Variants in SMARCA1 observed in about 807,000 individuals in gnomAD.
SMARCA1 encodes the protein SNF2 related chromatin remodeling ATPase 1, also known as SWI/SNF-related matrix-associated actin-dependent regulator of chromatin subfamily A member 1.
SMARCA1 carries 17 observed loss-of-function variants against 93.6 expected under a neutral mutation model. The ratio of observed to expected loss-of-function variants is 0.18; its 90% CI spans 0.12 to 0.27. The LOEUF is 0.27. Ranked by LOEUF, SMARCA1 falls within the 10% of genes least tolerant of loss-of-function variation. SMARCA1 has a pLI of 1.00. For missense variants in SMARCA1, 630 were observed against 819.0 expected (o/e 0.77, Z 2.82); for synonymous variants, 271 against 271.4 (o/e 1.00, Z 0.01).
chrX:129,521,552 C>T (rs957417578), intron 1 of SMARCA1, among the ~76,000 whole-genome samples: 2 of 111,371 alleles, frequency 1.8e-5, no homozygotes, highest in African/African-American at 6.5e-5. Context: ...TATTATATAG[C>T]TTTTTTATTG....
chrX:129,454,934 T>A (rs1475435711), intron 23 of SMARCA1, among the ~76,000 whole-genome samples: 3 of 111,591 alleles, frequency 2.7e-5, no homozygotes, highest in Non-Finnish European at 5.6e-5. Flanking sequence ...AGGGTGGCGA[T>A]CATTAAAAAG....
chrX:129,476,640 T>C (rs1933398079), intron 19 of SMARCA1, among the ~76,000 whole-genome samples: 1 of 111,710 alleles, frequency 9.0e-6, no homozygotes, highest in South Asian at 3.8e-4. Context: ...GAGTCCCTTT[T>C]TGAGAATCTG....
intron 14 of SMARCA1, 77 bp downstream of exon 14, chrX:129,491,864 A>G: frequency 1.5e-6 from 1 of 688,206 alleles, no homozygotes; most frequent in Admixed American, 3.3e-5. Flanking sequence ...TTTTTATCAT[A>G]AATGACCTTT....
chrX:129,486,054 C>T (rs985452536), intron 17 of SMARCA1, among the ~76,000 whole-genome samples: 15 of 111,820 alleles, frequency 1.3e-4, no homozygotes, highest in Non-Finnish European at 9.4e-5. Context: ...GATCATTACA[C>T]ATTGTATATA....
chrX:129,523,186 T>C lies in SMARCA1; in HGVS notation c.174+11A>G, dbSNP rs1321322078. ...ATTTGTCCACCACACACACACCCCC[T>C]TCCTATTTACCTCCTTCTTCTTCTC... On this transcript the variant is annotated intron_variant, in intron 1 of 24. Coordinates refer to ENST00000371121, the MANE Select transcript of SMARCA1 (RefSeq NM_001282874.2). The C allele has an allele frequency of 8.3e-7, 1 of 1,208,307 alleles. No homozygotes were observed. The highest frequency in any genetic ancestry group is 1.1e-6 in the Non-Finnish European group (1 of 893,832).
At chrX:129,504,838 GT>G in intron 8 of SMARCA1, 36 bp from the exon 9 acceptor site, 2 of 904,697 alleles carry the variant, frequency 2.2e-6, no homozygotes, top group Admixed American at 2.3e-5. Context: ...TGAGTGCACA[GT>G]TTTTTTAAAT....
chrX:129,496,662 G>A (rs1254858865), intron 12 of SMARCA1, 88 bp downstream of exon 12: 16 of 875,264 alleles, frequency 1.8e-5, no homozygotes, highest in Non-Finnish European at 2.2e-5. Flanking sequence ...CTAAAGAAAA[G>A]GCAAAAGTTC....
At chrX:129,480,019 G>A (rs1933579574) in intron 19 of SMARCA1, among the ~76,000 whole-genome samples, 1 of 111,826 alleles carries the variant, frequency 8.9e-6, no homozygotes, top group Non-Finnish European at 1.9e-5. Flanking sequence ...ATTTTTTAAT[G>A]TTAGTGATTA....
chrX:129,465,453 G>A, intron 23 of SMARCA1, 67 bp downstream of exon 23: 5 of 688,142 alleles, frequency 7.3e-6, no homozygotes, highest in Non-Finnish European at 1.1e-5. Flanking sequence ...CTAGGTGAAG[G>A]ATATATGGCA....
chrX:129,483,284 T>G (rs759995781), intron 17 of SMARCA1, among the ~76,000 whole-genome samples: 1 of 111,805 alleles, frequency 8.9e-6, no homozygotes, highest in East Asian at 2.8e-4. Context: ...CAAACTACCC[T>G]GAGAGGGATA....
Position 129,487,092 on chromosome X carries a change from G to C in SMARCA1, c.2143C>G (p.Leu715Val). The change falls in exon 17 of 25, where the codon CTA (leucine) becomes GTA (valine). Residue 715 changes from leucine to valine, a missense_variant. Leu to Val is a conservative substitution (Grantham distance 32). This residue lies in a region of SMARCA1 where 382 missense variants were observed against 537.9 expected (regional missense o/e 0.71). Transcript: ENST00000371121. Reference sequence around the variant, plus strand: ...TCAATGTCCATTCTAAAATTTCTTAGAGAAGACTCTCCCATTTTTTGCAGG... The same window carrying C: ...TCAATGTCCATTCTAAAATTTCTTACAGAAGACTCTCCCATTTTTTGCAGG... ...ERLQKMGESS[L>V]RNFRMDIEQS... is the part of the protein sequence containing the mutation. 5.1e-6 allele frequency: 6 copies of C among 1,168,262 alleles called. No individual in the cohort carries two copies. Among genetic ancestry groups the C allele is most frequent in the Non-Finnish European group, 7.0e-6 (6 of 860,656 alleles).
intron 5 of SMARCA1, among the ~76,000 whole-genome samples, chrX:129,515,410 C>T (rs1358457189): frequency 9.1e-6 from 1 of 110,124 alleles, no homozygotes; most frequent in South Asian, 4.0e-4. Context: ...TGCCTGGAGT[C>T]GCAGCTACTC....
intron 20 of SMARCA1, among the ~76,000 whole-genome samples, chrX:129,470,988 C>T (rs1399652996): frequency 8.9e-6 from 1 of 112,068 alleles, no homozygotes; most frequent in Admixed American, 9.5e-5. Context: ...TTATATTTTG[C>T]ATATACATAC....
intron 2 of SMARCA1, among the ~76,000 whole-genome samples, chrX:129,517,905 T>C (rs778551945): frequency 1.8e-5 from 2 of 111,764 alleles, no homozygotes; most frequent in South Asian, 3.7e-4. Context: ...TTAAAGTGTA[T>C]TGACATATTA....
At chrX:129,464,977 C>G (rs1284546619) in intron 23 of SMARCA1, among the ~76,000 whole-genome samples, 2 of 111,134 alleles carry the variant, frequency 1.8e-5, no homozygotes, top group African/African-American at 3.3e-5. Flanking sequence ...TCACGAAAAC[C>G]AAAAGGTTGT....
At chrX:129,523,157 C>T (rs1334756109) in intron 1 of SMARCA1, 40 bp downstream of exon 1, 3 of 1,195,154 alleles carry the variant, frequency 2.5e-6, no homozygotes, top group Non-Finnish European at 3.4e-6. Context: ...GGGCCAGGCA[C>T]AGGATTTGTC....
intron 23 of SMARCA1, among the ~76,000 whole-genome samples, chrX:129,462,634 CTT>C (rs753577066): frequency 9.0e-6 from 1 of 111,311 alleles, no homozygotes; most frequent in Non-Finnish European, 1.9e-5. Flanking sequence ...ATAAATAAAA[CTT>C]TTCAATTAAA....
chrX:129,486,838 C>T (rs59907148), intron 17 of SMARCA1, among the ~76,000 whole-genome samples, 180 bp downstream of exon 17: 8 of 85,571 alleles, frequency 9.3e-5, no homozygotes, highest in East Asian at 4.1e-4. Context: ...ATGATGATGA[C>T]GACGACGACG....
At chrX:129,450,497 C>T (rs5977084) in intron 23 of SMARCA1, among the ~76,000 whole-genome samples, 19,503 of 111,326 alleles carry the variant, frequency 0.18, 1,492 homozygotes, top group East Asian at 0.33. Flanking sequence ...GACATTTCAA[C>T]GACGGATCTT....
Sources: allele counts gnomAD v4.1 joint callset (sites outside exome capture counted in the v4.1 genomes callset), GRCh38; gene constraint gnomAD v4.1.1; regional missense constraint gnomAD v4.1.1; transcripts MANE v1.5; gene names NCBI Gene and HGNC (gene_info 2026-07-23, HGNC 2026-07-21).